The following CA5A variants were observed in gnomAD, a reference collection of about 807,000 sequenced individuals.
CA5A encodes the protein carbonic anhydrase 5A, mitochondrial.
CA5A carries 28 observed loss-of-function variants against 37.1 expected under a neutral mutation model. That is an observed-to-expected ratio of 0.75 (90% CI 0.56 to 1.03). The LOEUF (loss-of-function observed/expected upper bound fraction) is 1.03. CA5A is among the 50% of genes least tolerant of loss of function. The probability of loss-of-function intolerance (pLI) is 0.00; values close to 1 mark genes in which losing one functional copy is unlikely to be tolerated. For missense variants in CA5A, 444 were observed against 399.9 expected (o/e 1.11, Z -0.94); for synonymous variants, 171 against 158.4 (o/e 1.08, Z -0.60).
At chr16:87,906,683 TG>T (rs1359037263) in intron 2 of CA5A, among the ~76,000 whole-genome samples, 5 of 151,500 alleles carry the variant, frequency 3.3e-5, no homozygotes, top group Non-Finnish European at 5.9e-5. Flanking sequence ...AAATGGAAAA[TG>T]GATTTGGCTT....
At chr16:87,908,374 AGTG>A (rs1396197859) in intron 2 of CA5A, among the ~76,000 whole-genome samples, 1 of 152,188 alleles carries the variant, frequency 6.6e-6, no homozygotes, top group Non-Finnish European at 1.5e-5. Flanking sequence ...TGATGATGGC[AGTG>A]GTGGTGATTG....
At chr16:87,916,071 G>A (rs942516146) in intron 2 of CA5A, among the ~76,000 whole-genome samples, 6 of 151,504 alleles carry the variant, frequency 4.0e-5, no homozygotes, top group East Asian at 1.9e-4. Context: ...GGGAGCCTGC[G>A]GCAGGAGAAT....
intron 6 of CA5A, among the ~76,000 whole-genome samples, chr16:87,888,781 C>T (rs182461046): frequency 5.3e-5 from 8 of 152,306 alleles, no homozygotes; most frequent in Admixed American, 6.5e-5. Flanking sequence ...GACAGTGTTT[C>T]GCTCTTGTTT....
At chr16:87,931,551 A>G (rs1472923496) in intron 1 of CA5A, among the ~76,000 whole-genome samples, 2 of 152,174 alleles carry the variant, frequency 1.3e-5, no homozygotes, top group African/African-American at 2.4e-5. Flanking sequence ...CTCAGTTTCT[A>G]TATCTGCAGG....
intron 2 of CA5A, among the ~76,000 whole-genome samples, chr16:87,918,929 T>A (rs2056192769): frequency 6.6e-6 from 1 of 151,872 alleles, no homozygotes. Context: ...CACGTGAAGC[T>A]GAGTGGGAGA....
chr16:87,910,713 G>T (rs1278440363), intron 2 of CA5A, among the ~76,000 whole-genome samples: 1 of 151,962 alleles, frequency 6.6e-6, no homozygotes, highest in African/African-American at 2.4e-5. Flanking sequence ...GAGTTGCTGG[G>T]ACTACAGACA....
intron 1 of CA5A, among the ~76,000 whole-genome samples, chr16:87,929,753 T>C (rs2056372263): frequency 6.6e-6 from 1 of 150,444 alleles, no homozygotes; most frequent in African/African-American, 2.4e-5. Flanking sequence ...GCGCCTGTAG[T>C]CCCAGCTACT....
At chr16:87,924,928 G>A (rs2056283712) in intron 2 of CA5A, among the ~76,000 whole-genome samples, 1 of 152,258 alleles carries the variant, frequency 6.6e-6, no homozygotes, top group Non-Finnish European at 1.5e-5. Flanking sequence ...AGCCTTTGCA[G>A]TGGCCATCCC....
In CA5A at chr16:87,926,899, C is replaced by T. The variant is rs1467081957; in HGVS notation, c.189G>A (p.Arg63=). 2 of 1,606,546 alleles carry T rather than the reference C, an allele frequency of 1.2e-6. No homozygotes were observed. Among genetic ancestry groups the T allele is most frequent in the Non-Finnish European group, 1.7e-6 (2 of 1,176,162 alleles). Residue 63 remains arginine, a synonymous_variant, in exon 2 of 7, where the codon CGG becomes CGA. Coordinates refer to ENST00000649794, the MANE Select transcript of CA5A (RefSeq NM_001739.2). ...TVPVSVPGGT[R]QSPINIQWRD... ...TCCACTGGATGTTAATAGGAGACTG[C>T]CGGGTGCCCCCTGGCACGGAGACCG...
chr16:87,896,037 G>GCCA (rs1269277032), intron 5 of CA5A, among the ~76,000 whole-genome samples: 1 of 152,204 alleles, frequency 6.6e-6, no homozygotes, highest in East Asian at 1.9e-4. Context: ...CCTCCTGCCT[G>GCCA]CCACACATCC....
intron 1 of CA5A, among the ~76,000 whole-genome samples, chr16:87,928,760 GTTTTTTTTTTTTTTT>G (rs60994571): frequency 6.9e-5 from 4 of 57,938 alleles, no homozygotes; most frequent in South Asian, 8.6e-4. Context: ...TCTTTTCTTT[GTTTTTTTTTTTTTTT>G]TTTTTTTTTT....
chr16:87,896,545 T>C lies in CA5A; in HGVS notation c.619-4591A>G, dbSNP rs191098855. On this transcript the variant is annotated intron_variant, in intron 5 of 6. Transcript: ENST00000649794. The stretch of plus-strand genomic sequence containing the variant: ...ACCAATGAGGCTGAAGACCATCACA[T>C]CCATTATCTGAGCACGGATGGCCCA... 2.2e-3 allele frequency among the ~76,000 whole-genome samples: 331 copies of C among 152,330 alleles called. 3 individuals are homozygous for C. Among genetic ancestry groups the C allele is most frequent in the African/African-American group, 7.6e-3 (315 of 41,568 alleles).
chr16:87,886,941 C>T (rs1048253656), downstream of CA5A: 2 of 152,168 alleles, frequency 1.3e-5, no homozygotes, highest in African/African-American at 4.8e-5. Flanking sequence ...CTCGCTCTGT[C>T]ACCCTGGCTG....
intron 5 of CA5A, chr16:87,893,795 C>A (rs2055761172): frequency 5.5e-6 from 2 of 365,002 alleles, no homozygotes. Context: ...CAAAAAGAGT[C>A]AGGGTCTTAC....
At chr16:87,924,064 G>C in intron 2 of CA5A, 1 of 985,446 alleles carries the variant, frequency 1.0e-6, no homozygotes, top group Non-Finnish European at 1.2e-6. Flanking sequence ...ATTGGCAACT[G>C]AATAAATGAA....
chr16:87,927,343 G>C (rs1295454120), intron 1 of CA5A, among the ~76,000 whole-genome samples: 2 of 152,100 alleles, frequency 1.3e-5, no homozygotes, highest in Non-Finnish European at 2.9e-5. Flanking sequence ...CTTGTCTCTC[G>C]GGAAGGGCTT....
At chr16:87,887,944 G>A (rs879939204), downstream of CA5A, 77 of 839,206 alleles carry the variant, frequency 9.2e-5, no homozygotes, top group Non-Finnish European at 1.1e-4. Flanking sequence ...CCATCCCAGC[G>A]TTATGTTCCC....
chr16:87,917,737 A>G (rs7499336), intron 2 of CA5A, among the ~76,000 whole-genome samples: 3,107 of 131,738 alleles, frequency 0.024, 44 homozygotes, highest in South Asian at 0.057. Flanking sequence ...ACACACATGA[A>G]CACACATGCA....
intron 2 of CA5A, among the ~76,000 whole-genome samples, chr16:87,920,842 G>A (rs760779804): frequency 6.6e-6 from 1 of 151,930 alleles, no homozygotes; most frequent in Non-Finnish European, 1.5e-5. Context: ...CACCCAGGCT[G>A]GAGTGCAATG....
Sources: allele counts gnomAD v4.1 joint callset (sites outside exome capture counted in the v4.1 genomes callset), GRCh38; gene constraint gnomAD v4.1.1; transcripts MANE v1.5; gene names NCBI Gene and HGNC (gene_info 2026-07-23, HGNC 2026-07-21).